The following ATP1A3 variants were observed in gnomAD, a reference collection of about 807,000 sequenced individuals.
The protein encoded by ATP1A3 is ATPase Na+/K+ transporting subunit alpha 3.
Under a neutral mutation model 108.8 loss-of-function variants are expected in ATP1A3, and 12 were observed. The ratio of observed to expected loss-of-function variants is 0.11; its 90% confidence interval spans 0.07 to 0.18. The LOEUF is 0.18. Ranked by LOEUF, ATP1A3 falls within the 10% of genes least tolerant of loss-of-function variation. The pLI is 1.00. For missense variants in ATP1A3, 498 were observed against 1,387.7 expected, an observed-to-expected ratio of 0.36 and a Z score of 10.19; for synonymous variants, 539 against 564.5, an observed-to-expected ratio of 0.95 and a Z score of 0.64.
chr19:41,986,098 T>G lies in ATP1A3; in HGVS notation c.471+18A>C. On this transcript the variant is annotated intron_variant, in intron 5 of 22. Coordinates refer to ENST00000648268, the MANE Select transcript of ATP1A3 (RefSeq NM_152296.5). ...TACACTAACACCCCCGTCTGGCCCC[T>G]TGCTGGGCACCCTTCACCTGGGGCA... 1 of 1,614,114 alleles carries G rather than the reference T, an allele frequency of 6.2e-7. No homozygotes were observed. Among genetic ancestry groups the G allele is most frequent in the Admixed American group, 1.7e-5 (1 of 60,024 alleles).
chr19:41,977,873 C>A, intron 14 of ATP1A3, 63 bp downstream of exon 14: 1 of 1,586,356 alleles, frequency 6.3e-7, no homozygotes, highest in Non-Finnish European at 8.6e-7. Flanking sequence ...TGGGGGGAAG[C>A]GGTCCCCCTG....
At chr19:41,994,010 C>T (rs1391585065) in intron 1 of ATP1A3, 61 bp downstream of exon 1, 2 of 1,605,374 alleles carry the variant, frequency 1.2e-6, no homozygotes, top group Non-Finnish European at 1.7e-6. Flanking sequence ...CCCGCGCACA[C>T]CCAATGTCAC....
chr19:41,981,848 T>C lies in ATP1A3; in HGVS notation c.1193-17A>G. 1 of 1,614,176 alleles carries C rather than the reference T, an allele frequency of 6.2e-7. No homozygotes were observed. On this transcript the variant is annotated splice_polypyrimidine_tract_variant and intron_variant, in intron 9 of 22. Coordinates refer to ENST00000648268, the MANE Select transcript of ATP1A3 (RefSeq NM_152296.5). The surrounding 1 kb of genome is among the most constrained non-coding windows in gnomAD (Gnocchi z 5.0). ...ATGAGGTCCCTGGGGGAGGCATGTG[T>C]GAGGGCCAGGGACTCCTGGAGCCAG...
At position 41,982,079 on chromosome 19, in the gene ATP1A3, T is replaced by C. The variant is rs1165251896; in HGVS notation, c.1021A>G (p.Met341Val). Residue 341 changes from methionine (M) to valine (V), a missense_variant, in exon 9 of 23, where the codon ATG becomes GTG. Met to Val is a conservative substitution (Grantham distance 21, BLOSUM62 1). This residue lies in a region of ATP1A3 where 127 missense variants were observed against 464.0 expected (regional missense o/e 0.27). Transcript: ENST00000648268. Reference sequence around the variant, plus strand: ...TTCACCAGGCAGTTCTTCCGGGCCATGCGCTTGGCGGTCAGCGTCAGACAC... The same window carrying C: ...TTCACCAGGCAGTTCTTCCGGGCCACGCGCTTGGCGGTCAGCGTCAGACAC... ...TVCLTLTAKR[M>V]ARKNCLVKNL... 1.2e-6 allele frequency: 2 copies of C among 1,614,036 alleles called. No homozygotes were observed. Among genetic ancestry groups the C allele is most frequent in the Non-Finnish European group, 1.7e-6 (2 of 1,180,028 alleles).
At position 41,978,338 on chromosome 19, in the gene ATP1A3, G is replaced by T; in HGVS notation, c.1631-12C>A. On this transcript the variant is annotated splice_polypyrimidine_tract_variant and intron_variant, in intron 12 of 22. Transcript: ENST00000648268. The surrounding 1 kb of genome is among the most constrained non-coding windows in gnomAD (Gnocchi z 8.3). Reference sequence around the variant, plus strand: ...ATAATGGCAGAAACCTAGTGGCAGGGAAGGGTTGGGGTGTGAGGGTCCCAG... The same window carrying T: ...ATAATGGCAGAAACCTAGTGGCAGGTAAGGGTTGGGGTGTGAGGGTCCCAG... 6.3e-7 allele frequency: 1 copy of T among 1,589,016 alleles called. No homozygotes were observed.
chr19:41,978,589 G>A lies in ATP1A3; in HGVS notation c.1630+17C>T, dbSNP rs782259548. The A allele has an allele frequency of 6.8e-6, 11 of 1,611,700 alleles. No individual in the cohort carries two copies. The highest frequency in any genetic ancestry group is 9.3e-6 in the Non-Finnish European group (11 of 1,179,886). On this transcript the variant is annotated intron_variant, in intron 12 of 22. Transcript: ENST00000648268. The surrounding 1 kb of genome is among the most constrained non-coding windows in gnomAD (Gnocchi z 8.3). ...TTGCCCTCCAGGGACCCCAGAGCCCGCCCGGCAGCCTCGCACCAAGCACGC... is the reference window on the plus strand; with the variant it reads ...TTGCCCTCCAGGGACCCCAGAGCCCACCCGGCAGCCTCGCACCAAGCACGC...
chr19:41,980,481 G>A (rs1290521499), intron 11 of ATP1A3, among the ~76,000 whole-genome samples: 3 of 152,106 alleles, frequency 2.0e-5, no homozygotes, highest in Non-Finnish European at 4.4e-5. Context: ...GGGTGTGGTG[G>A]TGCACGCCTC....
chr19:41,986,368 G>T, intron 4 of ATP1A3, 139 bp from the exon 5 acceptor site: 1 of 743,020 alleles, frequency 1.3e-6, no homozygotes, highest in Non-Finnish European at 2.3e-6. Flanking sequence ...TTGGTTATGA[G>T]GGTTGGTGTG....
chr19:41,974,578 C>G (rs1458758589), intron 16 of ATP1A3, among the ~76,000 whole-genome samples: 1 of 152,164 alleles, frequency 6.6e-6, no homozygotes, highest in East Asian at 1.9e-4. Context: ...TTTGAATTCT[C>G]TTTTACCATG....
Position 41,968,657 on chromosome 19 carries a change from C to CA in ATP1A3, c.2819+127dup, listed in dbSNP as rs557005985. 4.2e-5 allele frequency: 61 copies of CA among 1,448,840 alleles called. No individual in the cohort carries two copies. In the African/African-American group the frequency reaches 7.4e-4, roughly 18 times the overall value. The allele number at this position is 1,448,840 out of a possible 1,614,324, so 89.7% of individuals were successfully genotyped here. On this transcript the variant is annotated intron_variant, in intron 20 of 22. Coordinates refer to ENST00000648268, the MANE Select transcript of ATP1A3 (RefSeq NM_152296.5). The surrounding 1 kb of genome is among the most constrained non-coding windows in gnomAD (Gnocchi z 5.0). ...CACCACTGAACTCCAGTCTGGGTGA[C>CA]AGAGTGAGACCCTGCCTCAACAAAA...
chr19:41,972,252 A>AAAAAT (rs1390683182), intron 16 of ATP1A3, among the ~76,000 whole-genome samples: 12 of 152,010 alleles, frequency 7.9e-5, no homozygotes, highest in African/African-American at 2.4e-4. Context: ...TCCATCTCAA[A>AAAAAT]AAAATAAAAT....
chr19:41,977,890 C>A, intron 14 of ATP1A3, 46 bp downstream of exon 14: 1 of 1,604,154 alleles, frequency 6.2e-7, no homozygotes, highest in Non-Finnish European at 8.5e-7. Context: ...CCTGTGTCAA[C>A]ACCCTAGAGG....
Position 41,968,624 on chromosome 19 carries a change from T to C in ATP1A3, c.2819+161A>G, listed in dbSNP as rs1171199461. Among the ~76,000 whole-genome samples the C allele has an allele frequency of 6.6e-6, 1 of 152,146 alleles. No individual in the cohort carries two copies. Among genetic ancestry groups the C allele is most frequent in the Non-Finnish European group, 1.5e-5 (1 of 68,016 alleles). On this transcript the variant is annotated intron_variant, in intron 20 of 22. Coordinates refer to ENST00000648268, the MANE Select transcript of ATP1A3 (RefSeq NM_152296.5). This position sits in a 1 kb window ranked among gnomAD's most constrained non-coding sequence, Gnocchi z 5.0. ...CCAGGAGGTCGAGGCTGCAGTGAGC[T>C]ATGATTACACCACTGAACTCCAGTC...
At chr19:41,977,346 G>T (rs1253244140) in intron 14 of ATP1A3, among the ~76,000 whole-genome samples, 7 of 152,068 alleles carry the variant, frequency 4.6e-5, no homozygotes, top group Non-Finnish European at 8.8e-5. Context: ...GAAGTTCATG[G>T]ATGCTAAAGG....
chr19:41,988,647 C>T lies in ATP1A3; in HGVS notation c.7-85G>A. 6.2e-7 allele frequency: 1 copy of T among 1,610,034 alleles called. No individual in the cohort carries two copies. Among genetic ancestry groups the T allele is most frequent in the Non-Finnish European group, 8.5e-7 (1 of 1,178,880 alleles). ...CAGGAGGACACCGGCCCTCCATGCCCCAGCTATCCTCCTGGCCGGTGCCCC... is the reference window on the plus strand; with the variant it reads ...CAGGAGGACACCGGCCCTCCATGCCTCAGCTATCCTCCTGGCCGGTGCCCC... On this transcript the variant is annotated intron_variant, in intron 1 of 22. Coordinates refer to ENST00000648268, the MANE Select transcript of ATP1A3 (RefSeq NM_152296.5). This position sits in a 1 kb window ranked among gnomAD's most constrained non-coding sequence, Gnocchi z 5.3.
At chr19:41,993,220 A>C in intron 1 of ATP1A3, 1 of 328,928 alleles carries the variant, frequency 3.0e-6, no homozygotes, top group Non-Finnish European at 5.8e-6. Flanking sequence ...GGAGGAATCC[A>C]GGGCTGCAGC....
chr19:41,977,411 C>G (rs1292766892), intron 14 of ATP1A3, among the ~76,000 whole-genome samples: 1 of 151,822 alleles, frequency 6.6e-6, no homozygotes, highest in Non-Finnish European at 1.5e-5. Context: ...GCAGGCCGGG[C>G]GCAGTGGCTC....
At chr19:41,969,726 G>T in intron 18 of ATP1A3, 146 bp from the exon 19 acceptor site, 1 of 1,217,946 alleles carries the variant, frequency 8.2e-7, no homozygotes, top group Non-Finnish European at 1.2e-6. Flanking sequence ...CCCAGAGGGT[G>T]ACCTGAGGTC....
At position 41,981,644 on chromosome 19, in the gene ATP1A3, G is replaced by T; in HGVS notation, c.1303-8C>A. ...ATCCCCAGCCACATCCCTCTGCAAG[G>T]AGAAAGGGTTGTCAGAACAGGGACA... On this transcript the variant is annotated splice_region_variant and splice_polypyrimidine_tract_variant and intron_variant, in intron 10 of 22. Coordinates refer to ENST00000648268, the MANE Select transcript of ATP1A3 (RefSeq NM_152296.5). This position sits in a 1 kb window ranked among gnomAD's most constrained non-coding sequence, Gnocchi z 5.0. The T allele has an allele frequency of 6.2e-7, 1 of 1,614,196 alleles. No individual in the cohort carries two copies. The highest frequency in any genetic ancestry group is 1.7e-5 in the Admixed American group (1 of 60,024).
Sources: allele counts gnomAD v4.1 joint callset (sites outside exome capture counted in the v4.1 genomes callset), GRCh38; gene constraint gnomAD v4.1.1; regional missense constraint gnomAD v4.1.1; non-coding constraint Gnocchi (gnomAD v3.1); transcripts MANE v1.5; gene names NCBI Gene and HGNC (gene_info 2026-07-23, HGNC 2026-07-21).